OPCML: variants seen among roughly 807,000 people sequenced by gnomAD.
OPCML encodes the protein opioid binding protein/cell adhesion molecule like.
OPCML carries 13 observed loss-of-function variants against 37.8 expected under a neutral mutation model. The observed-to-expected ratio is 0.34, with a 90% CI of 0.22 to 0.55. The LOEUF (loss-of-function observed/expected upper bound fraction) is 0.55, where lower values mean the gene tolerates loss of function less well. Among genes scored for constraint, OPCML ranks in the 20% least tolerant of loss-of-function variants. OPCML has a pLI of 0.91. For missense variants in OPCML, 341 were observed against 435.6 expected (o/e 0.78, Z 1.93); for synonymous variants, 176 against 168.8 (o/e 1.04, Z -0.33).
chr11:133,506,111 G>T (rs755134358), intron 1 of OPCML, among the ~76,000 whole-genome samples: 2 of 152,176 alleles, frequency 1.3e-5, no homozygotes, highest in Non-Finnish European at 2.9e-5. Flanking sequence ...CTCTCCATCA[G>T]TAGCACCTGG....
At position 133,140,895 on chromosome 11, in the gene OPCML, AGAC is replaced by A. The variant is rs1241482731; in HGVS notation, c.62-197888_62-197886del. Among the ~76,000 whole-genome samples, 2 of 23,412 alleles carry A rather than the reference AGAC, an allele frequency of 8.5e-5. 1 individual carries two copies. The highest frequency in any genetic ancestry group is 2.9e-4 in the Non-Finnish European group (2 of 6,824). 15.4% of individuals were successfully genotyped at this position (23,412 alleles called of 152,430 possible). A position where few individuals can be genotyped will look rare whatever the true frequency, so the allele number is the denominator to read the frequency against. Reference sequence around the variant, plus strand: ...ACGAAGAAGACGACGACGACGACGAAGACGACGACGACGAAGAAGAAGAAGACG... The same window carrying A: ...ACGAAGAAGACGACGACGACGACGAAGACGACGACGAAGAAGAAGAAGACG... On this transcript the variant is annotated intron_variant, in intron 1 of 7. Transcript: ENST00000524381.
rs533416709 is a variant in OPCML, at chr11:133,136,998, C to A, written c.62-193988G>T. Among the ~76,000 whole-genome samples, 3 of 152,076 alleles carry A rather than the reference C, an allele frequency of 2.0e-5. No individual in the cohort carries two copies. The East Asian group carries it at 5.8e-4, about 29-fold the overall frequency. ...AATTATTTTGAAAAAATGGTTATGA[C>A]GGATGCCCTCAAAAGAATTTGCATA... is the stretch of plus-strand genomic sequence containing the variant. On this transcript the variant is annotated intron_variant, in intron 1 of 7. Transcript: ENST00000524381.
rs115394228 is a variant in OPCML at position 133,231,217 on chromosome 11, T to C, written c.62-288207A>G. ...AAGGAGTAGCTGCGGATGAAACATT[T>C]GAGGATAAAAAATTAAGCTCCAGCT... On this transcript the variant is annotated intron_variant, in intron 1 of 7. Coordinates refer to ENST00000524381, the MANE Select transcript of OPCML (RefSeq NM_001012393.5). Among the ~76,000 whole-genome samples, 988 of 152,218 alleles carry C rather than the reference T, an allele frequency of 6.5e-3. 13 individuals carry two copies. Among genetic ancestry groups the C allele is most frequent in the African/African-American group, 0.022 (923 of 41,532 alleles).
chr11:133,362,866 A>G (rs1944454548), intron 1 of OPCML, among the ~76,000 whole-genome samples: 1 of 152,052 alleles, frequency 6.6e-6, no homozygotes, highest in Non-Finnish European at 1.5e-5. Flanking sequence ...AATCAAAGCC[A>G]TTTCTCCTTT....
At chr11:132,431,741 A>T (rs556242909) in intron 7 of OPCML, among the ~76,000 whole-genome samples, 1 of 152,204 alleles carries the variant, frequency 6.6e-6, no homozygotes, top group African/African-American at 2.4e-5. Context: ...GTAGGTATGA[A>T]ATATATAAAA....
At chr11:133,039,280 T>C (rs1162642145) in intron 1 of OPCML, among the ~76,000 whole-genome samples, 1 of 152,130 alleles carries the variant, frequency 6.6e-6, no homozygotes, top group East Asian at 1.9e-4. Context: ...GCCCTCACGT[T>C]TCCTTCTGTC....
intron 1 of OPCML, among the ~76,000 whole-genome samples, chr11:133,510,995 G>A (rs1288002750): frequency 2.0e-5 from 3 of 151,924 alleles, no homozygotes; most frequent in Non-Finnish European, 4.4e-5. Context: ...ACATCCAAAG[G>A]AAACTCCTGA....
chr11:132,525,928 G>A (rs973313732), intron 4 of OPCML: 1 of 152,114 alleles, frequency 6.6e-6, no homozygotes, highest in Non-Finnish European at 1.5e-5. Context: ...AGGGAAGGGG[G>A]AAGACAATAG....
rs562943164 is a variant in OPCML at position 132,879,862 on chromosome 11, A to G, written c.146+63064T>C. ...ACAAAAAAAATACAAACAAAAACAT[A>G]CATTGTACCATCATACCTTCTTTAT... On this transcript the variant is annotated intron_variant, in intron 2 of 7. Transcript: ENST00000524381. Among the ~76,000 whole-genome samples, 7 of 152,362 alleles carry G rather than the reference A, an allele frequency of 4.6e-5. No homozygotes were observed. The South Asian group carries it at 1.5e-3, about 32-fold the overall frequency.
chr11:132,578,986 A>G (rs2096456696), intron 3 of OPCML, among the ~76,000 whole-genome samples: 1 of 152,190 alleles, frequency 6.6e-6, no homozygotes, highest in Admixed American at 6.5e-5. Context: ...GAAAGAAAAA[A>G]AAAAGCAAAA....
intron 2 of OPCML, among the ~76,000 whole-genome samples, chr11:132,934,163 G>T (rs946981817): frequency 2.6e-5 from 4 of 152,164 alleles, no homozygotes; most frequent in Middle Eastern, 3.2e-3. Flanking sequence ...GATCCTTTGG[G>T]TAAATAGGCA....
intron 1 of OPCML, among the ~76,000 whole-genome samples, chr11:133,457,042 G>A (rs775838184): frequency 5.9e-5 from 9 of 152,094 alleles, no homozygotes; most frequent in African/African-American, 7.2e-5. Flanking sequence ...CCAACCCAAA[G>A]AGACCAACCC....
intron 2 of OPCML, among the ~76,000 whole-genome samples, chr11:132,739,248 T>C (rs554058858): frequency 2.6e-5 from 4 of 152,326 alleles, no homozygotes; most frequent in African/African-American, 9.6e-5. Context: ...TAAGATGTTA[T>C]AGAAGCTCAA....
chr11:132,786,591 GGACTTTGAGATAACTATGCAAAA>G (rs1947218929), intron 2 of OPCML, among the ~76,000 whole-genome samples: 1 of 151,994 alleles, frequency 6.6e-6, no homozygotes, highest in Non-Finnish European at 1.5e-5. Flanking sequence ...TATTTTTGAA[GGACTTTGAGATAACTATGCAAAA>G]GACACATTAG....
intron 1 of OPCML, among the ~76,000 whole-genome samples, chr11:133,460,631 A>T (rs2136983982): frequency 6.6e-6 from 1 of 152,060 alleles, no homozygotes; most frequent in Non-Finnish European, 1.5e-5. Flanking sequence ...CCTTACCAGG[A>T]CTGAATCACG....
intron 2 of OPCML, among the ~76,000 whole-genome samples, chr11:132,746,212 C>T (rs959182400): frequency 6.6e-6 from 1 of 152,170 alleles, no homozygotes; most frequent in African/African-American, 2.4e-5. Context: ...AGAGCCACTG[C>T]TAACAACAGA....
chr11:133,428,972 C>T (rs917448964), intron 1 of OPCML, among the ~76,000 whole-genome samples: 31 of 152,126 alleles, frequency 2.0e-4, no homozygotes, highest in Admixed American at 1.0e-3. Context: ...TCAGATCATA[C>T]GAGTTCAATA....
intron 2 of OPCML, among the ~76,000 whole-genome samples, chr11:132,764,723 C>T (rs1946378739): frequency 6.6e-6 from 1 of 152,178 alleles, no homozygotes; most frequent in Non-Finnish European, 1.5e-5. Flanking sequence ...TGGATGAGCA[C>T]ATCTGTTAGC....
chr11:133,436,175 AC>A (rs1946229588), intron 1 of OPCML, among the ~76,000 whole-genome samples: 1 of 152,232 alleles, frequency 6.6e-6, no homozygotes, highest in Non-Finnish European at 1.5e-5. Context: ...TGCAATGAGA[AC>A]AACAACAAAA....
Sources: gnomAD v4.1 joint callset for allele counts (sites outside exome capture counted in the v4.1 genomes callset) on GRCh38, gnomAD v4.1.1 for gene constraint, MANE v1.5 for transcripts, NCBI Gene and HGNC (gene_info 2026-07-23, HGNC 2026-07-21) for gene names.